DMD: variants seen among roughly 807,000 people sequenced by gnomAD.
DMD encodes the protein dystrophin, also known as mutant dystrophin.
A neutral mutation model predicts 330.1 loss-of-function variants in DMD; 63 were observed. That is an observed-to-expected ratio of 0.19 (90% CI 0.16 to 0.24). DMD has a LOEUF of 0.24. Among genes scored for constraint, DMD ranks in the 10% least tolerant of loss-of-function variants. DMD has a pLI of 1.00. For synonymous variants in DMD, 1,223 were observed against 959.8 expected (o/e 1.27, Z -5.07); for missense variants, 3,344 against 2,684.1 (o/e 1.25, Z -5.43).
intron 7 of DMD, among the ~76,000 whole-genome samples, chrX:32,703,316 A>G: frequency 9.0e-6 from 1 of 111,617 alleles, no homozygotes; most frequent in Admixed American, 9.6e-5. Context: ...GTAAAACTGT[A>G]AAGTTTGTTG....
chrX:32,726,590 C>T (rs940008122), intron 7 of DMD, among the ~76,000 whole-genome samples: 7 of 110,977 alleles, frequency 6.3e-5, no homozygotes, highest in East Asian at 2.8e-4. Context: ...ATAATAATAT[C>T]GAAACCAGTA....
At chrX:32,555,985 T>G (rs778575802) in intron 16 of DMD, among the ~76,000 whole-genome samples, 2 of 111,558 alleles carry the variant, frequency 1.8e-5, no homozygotes, top group Non-Finnish European at 3.8e-5. Flanking sequence ...CTAATTAAAC[T>G]AAAGAACTTC....
chrX:31,437,548 A>G (rs2064622930), intron 60 of DMD, among the ~76,000 whole-genome samples: 1 of 111,363 alleles, frequency 9.0e-6, no homozygotes, highest in African/African-American at 3.3e-5. Flanking sequence ...TGAGTGCTAC[A>G]TGTACAATTT....
rs187434475 is a variant in DMD, at chrX:32,349,979, C to T, written c.5326-1451G>A. Among the ~76,000 whole-genome samples, 639 of 110,940 alleles carry T rather than the reference C, an allele frequency of 5.8e-3. 3 individuals are homozygous for T. The highest frequency in any genetic ancestry group is 0.02 in the African/African-American group (604 of 30,718). On this transcript the variant is annotated intron_variant, in intron 37 of 78. Transcript: ENST00000357033. ...CGGTAAAAGTAAAAAGATTAACAAC[C>T]CTTAGAATCATAACTATACAATTAT...
intron 44 of DMD, among the ~76,000 whole-genome samples, chrX:32,005,227 A>G (rs766134013): frequency 3.6e-5 from 4 of 111,642 alleles, no homozygotes; most frequent in Non-Finnish European, 7.5e-5. Context: ...AGCGCTATGA[A>G]TGGGTCTCTT....
chrX:31,422,837 C>T (rs1356678819), intron 60 of DMD, among the ~76,000 whole-genome samples: 2 of 106,069 alleles, frequency 1.9e-5, no homozygotes, highest in Non-Finnish European at 3.9e-5. Context: ...AACCACTGGG[C>T]AGTTATAAGA....
chrX:32,687,756 A>G (rs1267176015), intron 9 of DMD, among the ~76,000 whole-genome samples: 6 of 110,835 alleles, frequency 5.4e-5, no homozygotes, highest in African/African-American at 1.6e-4. Context: ...AATAAGAAAA[A>G]CGAATGTTGT....
chrX:31,183,942 C>A (rs1401789885), intron 67 of DMD, among the ~76,000 whole-genome samples: 2 of 106,177 alleles, frequency 1.9e-5, no homozygotes, highest in African/African-American at 6.9e-5. Context: ...CTGACTCTAT[C>A]TCTATTGCCC....
chrX:32,859,921 T>TA (rs781257497), intron 2 of DMD, among the ~76,000 whole-genome samples: 8 of 111,760 alleles, frequency 7.2e-5, no homozygotes, highest in East Asian at 2.8e-4. Context: ...GGCGACCCTG[T>TA]AGCTCTCTGT....
chrX:33,242,787 T>C (rs1374366423), intron 1 of DMD, among the ~76,000 whole-genome samples: 2 of 111,433 alleles, frequency 1.8e-5, no homozygotes, highest in African/African-American at 6.5e-5. Context: ...ATTATGGCCA[T>C]TCTTGCAGGA....
intron 60 of DMD, among the ~76,000 whole-genome samples, chrX:31,401,911 C>A (rs1283475827): frequency 3.6e-5 from 4 of 111,503 alleles, no homozygotes; most frequent in African/African-American, 1.3e-4. Context: ...ACTGCTTCCC[C>A]AAGACTACTA....
chrX:33,009,370 A>G lies in DMD; in HGVS notation c.93+10769T>C, dbSNP rs759621656. Among the ~76,000 whole-genome samples the G allele has an allele frequency of 3.4e-4, 20 of 58,732 alleles. 3 individuals carry two copies. The highest frequency in any genetic ancestry group is 1.5e-3 in the African/African-American group (20 of 13,628). The allele number at this position is 58,732 out of a possible 115,157, so 51.0% of individuals were successfully genotyped here. ...TATACACATGTGTGTATATGTGTAT[A>G]TGTGTATATACACGTGTATATATGT... On this transcript the variant is annotated intron_variant, in intron 2 of 78. Coordinates refer to ENST00000357033, the MANE Select transcript of DMD (RefSeq NM_004006.3).
chrX:31,419,243 C>A (rs2063234363), intron 60 of DMD, among the ~76,000 whole-genome samples: 1 of 103,302 alleles, frequency 9.7e-6, no homozygotes, highest in Non-Finnish European at 2.0e-5. Context: ...ATTGCCTGGC[C>A]TACTAGATAC....
rs140339072 is a variant in DMD at position 33,326,709 on chromosome X, A to G, written c.7+12550T>C. ...CCACCTGTGGACTTTAAGCAGTGGA[A>G]TAACTTATTAAGTTTTGTCTTTGAG... On this transcript the variant is annotated intron_variant, in intron 1 of 17. Coordinates refer to the DMD transcript ENST00000288447. 4.0e-3 allele frequency among the ~76,000 whole-genome samples: 444 copies of G among 112,059 alleles called. 1 individual carries two copies. Among genetic ancestry groups the G allele is most frequent in the African/African-American group, 0.014 (432 of 30,886 alleles).
intron 63 of DMD, among the ~76,000 whole-genome samples, chrX:31,239,933 C>A (rs898300682): frequency 1.8e-5 from 2 of 111,540 alleles, no homozygotes; most frequent in Non-Finnish European, 3.8e-5. Context: ...TTAGACGTGC[C>A]GCCTTTAAGA....
At chrX:32,823,265 C>T (rs202222166) in intron 5 of DMD, 30 bp downstream of exon 5, 1 of 1,122,621 alleles carries the variant, frequency 8.9e-7, no homozygotes, top group Admixed American at 2.2e-5. Context: ...TAATGTTACC[C>T]AAAAGGAAAC....
At chrX:33,111,814 T>A in intron 1 of DMD, among the ~76,000 whole-genome samples, 1 of 110,698 alleles carries the variant, frequency 9.0e-6, no homozygotes, top group Non-Finnish European at 1.9e-5. Context: ...TTTCACCATG[T>A]TGGCCAGGCT....
chrX:32,058,630 A>G (rs1260443260), intron 44 of DMD, among the ~76,000 whole-genome samples: 1 of 108,313 alleles, frequency 9.2e-6, no homozygotes, highest in African/African-American at 3.3e-5. Flanking sequence ...GGAAAATTGG[A>G]GATGTAGACT....
In DMD at chrX:32,698,376, A is replaced by G. The variant is rs779385677; in HGVS notation, c.832-378T>C. Among the ~76,000 whole-genome samples the G allele has an allele frequency of 1.4e-3, 155 of 111,812 alleles. 1 individual carries two copies. The highest frequency in any genetic ancestry group is 4.8e-3 in the African/African-American group (147 of 30,812). On this transcript the variant is annotated intron_variant, in intron 8 of 78. Transcript: ENST00000357033. ...AATTCATCAGGTCCATACCCTGGAA[A>G]GGACTAAAAATTTCATAAGCTAATA...
Sources: allele counts gnomAD v4.1 joint callset (sites outside exome capture counted in the v4.1 genomes callset), GRCh38; gene constraint gnomAD v4.1.1; transcripts MANE v1.5; gene names NCBI Gene and HGNC (gene_info 2026-07-23, HGNC 2026-07-21).